The following SLC8A3 variants were observed in gnomAD, a reference collection of about 807,000 sequenced individuals.
The protein encoded by SLC8A3 is solute carrier family 8 member A3, also known as sodium/calcium exchanger 3.
A neutral mutation model predicts 65.4 loss-of-function variants in SLC8A3; 37 were observed. The observed-to-expected ratio is 0.57, with a 90% CI of 0.44 to 0.74. SLC8A3 has a LOEUF of 0.74. Ranked by LOEUF, SLC8A3 falls within the 30% of genes least tolerant of loss-of-function variation. The probability of loss-of-function intolerance (pLI) is 0.00; values close to 1 mark genes in which losing one functional copy is unlikely to be tolerated. For missense variants in SLC8A3, 1,112 were observed against 1,172.1 expected, an observed-to-expected ratio of 0.95 and a Z score of 0.75; for synonymous variants, 461 against 444.5, an observed-to-expected ratio of 1.04 and a Z score of -0.47.
chr14:70,185,500 C>A lies in SLC8A3; in HGVS notation c.-63+2879G>T, dbSNP rs1481011910. On this transcript the variant is annotated intron_variant, in intron 1 of 6. Coordinates refer to ENST00000356921, the MANE Select transcript of SLC8A3 (RefSeq NM_182932.3). ...GGACAACCTATCGGCTTTAGGGTCC[C>A]ATCCCCTGGGGGAGCACAGGGCATG... Among the ~76,000 whole-genome samples, 3 of 152,218 alleles carry A rather than the reference C, an allele frequency of 2.0e-5. No individual in the cohort carries two copies. In the East Asian group the frequency reaches 5.8e-4, roughly 29 times the overall value.
At chr14:70,111,238 T>C (rs1045653317) in intron 2 of SLC8A3, among the ~76,000 whole-genome samples, 2 of 152,226 alleles carry the variant, frequency 1.3e-5, no homozygotes, top group Admixed American at 6.5e-5. Context: ...TCATTGTAGT[T>C]TTGATTTGCA....
At chr14:70,061,026 G>A (rs1039547836) in intron 2 of SLC8A3, 87 bp from the exon 3 acceptor site, 28 of 651,802 alleles carry the variant, frequency 4.3e-5, no homozygotes, top group African/African-American at 1.3e-4. Flanking sequence ...ATCATTCCCC[G>A]TCATTCCTGG....
chr14:70,162,310 G>A (rs928594050), intron 2 of SLC8A3, among the ~76,000 whole-genome samples: 2 of 152,088 alleles, frequency 1.3e-5, no homozygotes, highest in South Asian at 2.1e-4. Flanking sequence ...ACTTTCTAAC[G>A]TCCTTTCCAA....
chr14:70,187,634 TG>T lies in SLC8A3; in HGVS notation c.-63+744del, dbSNP rs1566843516. ...GTGTGTGTGTGTGTGTGTGTGTGTGTGTGTGTCCGCGCGCGCGTGTGTGTTG... is the reference window on the plus strand; with the variant it reads ...GTGTGTGTGTGTGTGTGTGTGTGTGTTGTGTCCGCGCGCGCGTGTGTGTTG... On this transcript the variant is annotated intron_variant, in intron 1 of 6. Transcript: ENST00000356921. 5.5e-3 allele frequency among the ~76,000 whole-genome samples: 811 copies of T among 148,300 alleles called. 12 individuals carry two copies. The highest frequency in any genetic ancestry group is 0.016 in the African/African-American group (644 of 39,882).
intron 2 of SLC8A3, among the ~76,000 whole-genome samples, chr14:70,112,800 C>A (rs1893396794): frequency 6.6e-6 from 1 of 152,168 alleles, no homozygotes; most frequent in Admixed American, 6.5e-5. Flanking sequence ...CTTCTGGTGG[C>A]TCCTGGCAAT....
intron 2 of SLC8A3, among the ~76,000 whole-genome samples, chr14:70,115,563 T>C (rs1169200514): frequency 1.3e-5 from 2 of 152,116 alleles, no homozygotes; most frequent in Non-Finnish European, 2.9e-5. Flanking sequence ...GCCTGACACA[T>C]ATCAGGTGCT....
At chr14:70,080,934 C>G (rs894131887) in intron 2 of SLC8A3, among the ~76,000 whole-genome samples, 1 of 152,186 alleles carries the variant, frequency 6.6e-6, no homozygotes, top group African/African-American at 2.4e-5. Flanking sequence ...AGGTTGGCAA[C>G]TTGCCCAATG....
chr14:70,167,031 G>T lies in SLC8A3; in HGVS notation c.1392C>A (p.Phe464Leu). ...VLKPGETQKE[F>L]SVGIIDDDIF... is the part of the protein sequence containing the mutation. ...TGTCGTCATCAATTATGCCCACGGA[G>T]AACTCCTTCTGGGTCTCTCCTGGCT... The change falls in exon 2 of 7, where the codon TTC (phenylalanine) becomes TTA (leucine). Residue 464 changes from phenylalanine to leucine, a missense_variant. Transcript: ENST00000356921. 1.2e-6 allele frequency: 2 copies of T among 1,613,906 alleles called. No individual in the cohort carries two copies. The highest frequency in any genetic ancestry group is 1.7e-6 in the Non-Finnish European group (2 of 1,180,018).
intron 2 of SLC8A3, among the ~76,000 whole-genome samples, chr14:70,122,942 G>T (rs1341458035): frequency 1.3e-5 from 2 of 151,760 alleles, no homozygotes; most frequent in Non-Finnish European, 2.9e-5. Context: ...TGCGGTGGCG[G>T]GCGCCTGTAG....
At chr14:70,161,305 A>AAAAC (rs1183062823) in intron 2 of SLC8A3, among the ~76,000 whole-genome samples, 4 of 146,996 alleles carry the variant, frequency 2.7e-5, no homozygotes, top group Non-Finnish European at 6.1e-5. Context: ...AAAAAAAAAA[A>AAAAC]AAAAAAAAAA....
chr14:70,097,047 A>C (rs557458946), intron 2 of SLC8A3, among the ~76,000 whole-genome samples: 19 of 152,320 alleles, frequency 1.2e-4, no homozygotes, highest in African/African-American at 4.6e-4. Flanking sequence ...AAGGAGCTGC[A>C]GGACTGTGGG....
At chr14:70,128,608 T>G (rs1894630672) in intron 2 of SLC8A3, among the ~76,000 whole-genome samples, 1 of 152,244 alleles carries the variant, frequency 6.6e-6, no homozygotes, top group African/African-American at 2.4e-5. Context: ...ATTTTTCAGT[T>G]AATTTGATGG....
At chr14:70,087,861 A>T (rs889020154) in intron 2 of SLC8A3, among the ~76,000 whole-genome samples, 1 of 152,260 alleles carries the variant, frequency 6.6e-6, no homozygotes, top group Admixed American at 6.5e-5. Context: ...CTAAATATTC[A>T]TGGTGCATCT....
intron 2 of SLC8A3, among the ~76,000 whole-genome samples, chr14:70,161,441 G>A (rs1249505947): frequency 6.6e-6 from 1 of 152,068 alleles, no homozygotes; most frequent in African/African-American, 2.4e-5. Context: ...CTCAGAAATG[G>A]AGTCCCTTCT....
intron 2 of SLC8A3, among the ~76,000 whole-genome samples, chr14:70,124,233 T>C (rs1026618892): frequency 6.6e-6 from 1 of 152,184 alleles, no homozygotes; most frequent in Non-Finnish European, 1.5e-5. Context: ...AACAGGTTTC[T>C]CCCAGGGTGA....
intron 6 of SLC8A3, 186 bp downstream of exon 6, chr14:70,048,581 C>A: frequency 1.5e-6 from 1 of 689,424 alleles, no homozygotes; most frequent in South Asian, 1.5e-5. Context: ...TGAAAGTGCT[C>A]AAGAAATATT....
At chr14:70,072,385 A>T (rs1566756591) in intron 2 of SLC8A3, among the ~76,000 whole-genome samples, 1 of 152,188 alleles carries the variant, frequency 6.6e-6, no homozygotes, top group Non-Finnish European at 1.5e-5. Context: ...TCAGGGCAAA[A>T]AGAGGGAATT....
intron 3 of SLC8A3, 145 bp downstream of exon 3, chr14:70,060,691 A>G (rs1390750225): frequency 1.3e-6 from 1 of 761,366 alleles, no homozygotes; most frequent in East Asian, 2.4e-5. Flanking sequence ...AAAAAAATCC[A>G]TTGGTCAAAA....
intron 1 of SLC8A3, among the ~76,000 whole-genome samples, chr14:70,180,888 CT>C (rs1882693779): frequency 6.6e-6 from 1 of 152,224 alleles, no homozygotes; most frequent in African/African-American, 2.4e-5. Flanking sequence ...GGGCACCTTA[CT>C]GGCTGGACAG....
Sources: allele counts gnomAD v4.1 joint callset (sites outside exome capture counted in the v4.1 genomes callset), GRCh38; gene constraint gnomAD v4.1.1; transcripts MANE v1.5; gene names NCBI Gene and HGNC (gene_info 2026-07-23, HGNC 2026-07-21).